Variants in SH3GL2 observed in about 807,000 individuals in gnomAD.
SH3GL2 encodes the protein endophilin-A1.
SH3GL2 carries 24 observed loss-of-function variants against 46.0 expected under a neutral mutation model. The observed-to-expected ratio is 0.52, with a 90% CI of 0.38 to 0.73. The LOEUF (loss-of-function observed/expected upper bound fraction) is 0.73, where lower values mean the gene tolerates loss of function less well. SH3GL2 is among the 30% of genes least tolerant of loss of function. The pLI is 0.00. For synonymous variants in SH3GL2, 196 were observed against 147.1 expected (o/e 1.33, Z -2.40); for missense variants, 413 against 424.2 (o/e 0.97, Z 0.23).
chr9:17,607,023 C>T (rs188144006), intron 1 of SH3GL2, among the ~76,000 whole-genome samples: 82 of 152,298 alleles, frequency 5.4e-4, no homozygotes, highest in Non-Finnish European at 9.8e-4. Flanking sequence ...CTCCTCTTCT[C>T]ATAAGGCCGG....
intron 1 of SH3GL2, among the ~76,000 whole-genome samples, chr9:17,616,790 G>A (rs1165227790): frequency 2.0e-5 from 3 of 151,630 alleles, no homozygotes; most frequent in African/African-American, 4.9e-5. Context: ...GCATCTTATT[G>A]TCTGATTTTT....
At chr9:17,710,878 G>T (rs10756902) in intron 1 of SH3GL2, among the ~76,000 whole-genome samples, 1 of 151,638 alleles carries the variant, frequency 6.6e-6, no homozygotes, top group African/African-American at 2.4e-5. Context: ...CTGAAACTGG[G>T]TATTACTGAA....
intron 1 of SH3GL2, among the ~76,000 whole-genome samples, chr9:17,628,218 A>C (rs1163513312): frequency 2.0e-5 from 3 of 152,170 alleles, no homozygotes; most frequent in Non-Finnish European, 4.4e-5. Context: ...TAGCATTGTT[A>C]CTGGCACGTG....
intron 3 of SH3GL2, among the ~76,000 whole-genome samples, chr9:17,766,109 C>T (rs1402642409): frequency 6.6e-6 from 1 of 152,186 alleles, no homozygotes; most frequent in East Asian, 1.9e-4. Context: ...CCTCTGGAAC[C>T]TCACAGTCTT....
intron 1 of SH3GL2, among the ~76,000 whole-genome samples, chr9:17,687,154 A>G (rs972844884): frequency 6.6e-5 from 10 of 152,154 alleles, no homozygotes; most frequent in African/African-American, 1.9e-4. Context: ...GCTCTCTCAC[A>G]TTAAGTGTAT....
chr9:17,624,022 C>G, intron 1 of SH3GL2, among the ~76,000 whole-genome samples: 1 of 152,112 alleles, frequency 6.6e-6, no homozygotes, highest in East Asian at 1.9e-4. Flanking sequence ...TTATTTCATT[C>G]GTTCGTTTCT....
chr9:17,735,702 C>G (rs934632391), intron 1 of SH3GL2: 1 of 880,372 alleles, frequency 1.1e-6, no homozygotes, highest in Non-Finnish European at 1.4e-6. Flanking sequence ...CACTGAGGGA[C>G]AACTCTGTTG....
chr9:17,624,633 G>A (rs956760810), intron 1 of SH3GL2, among the ~76,000 whole-genome samples: 1 of 152,072 alleles, frequency 6.6e-6, no homozygotes, highest in African/African-American at 2.4e-5. Flanking sequence ...TGGCTAGTGG[G>A]GGCCCCTTCA....
chr9:17,715,522 ATGTGTTTC>A (rs1304703563), intron 1 of SH3GL2, among the ~76,000 whole-genome samples: 2 of 150,852 alleles, frequency 1.3e-5, no homozygotes, highest in Non-Finnish European at 3.0e-5. Context: ...CATTTTCTCC[ATGTGTTTC>A]ATTTTTGGAT....
chr9:17,722,528 A>AT (rs1323233655), intron 1 of SH3GL2, among the ~76,000 whole-genome samples: 1 of 151,280 alleles, frequency 6.6e-6, no homozygotes, highest in Non-Finnish European at 1.5e-5. Context: ...TTTTTATTTT[A>AT]TTTTATCATT....
intron 1 of SH3GL2, among the ~76,000 whole-genome samples, chr9:17,683,444 G>T (rs1292375974): frequency 1.3e-5 from 2 of 152,074 alleles, no homozygotes; most frequent in Admixed American, 6.6e-5. Flanking sequence ...AGGCTCAGGG[G>T]ACAGGTGGAG....
chr9:17,644,738 T>G (rs1013706947), intron 1 of SH3GL2, among the ~76,000 whole-genome samples: 2 of 152,204 alleles, frequency 1.3e-5, no homozygotes, highest in African/African-American at 4.8e-5. Context: ...GTGCTTTACT[T>G]CCAATTATGT....
chr9:17,588,973 G>A (rs1818429709), intron 1 of SH3GL2, among the ~76,000 whole-genome samples: 2 of 152,028 alleles, frequency 1.3e-5, no homozygotes, highest in South Asian at 4.1e-4. Context: ...TGTAAAAGTG[G>A]GTTTTTGGTT....
chr9:17,767,542 T>C (rs1201304530), intron 3 of SH3GL2, among the ~76,000 whole-genome samples: 1 of 152,240 alleles, frequency 6.6e-6, no homozygotes, highest in East Asian at 1.9e-4. Flanking sequence ...CTGAATTTAC[T>C]GTTTTTTCCT....
At chr9:17,644,022 G>A (rs577839370) in intron 1 of SH3GL2, among the ~76,000 whole-genome samples, 1 of 152,246 alleles carries the variant, frequency 6.6e-6, no homozygotes, top group East Asian at 1.9e-4. Context: ...CTTGTTATTG[G>A]TCTGTTCAGG....
At chr9:17,607,036 A>G (rs1380847044) in intron 1 of SH3GL2, among the ~76,000 whole-genome samples, 2 of 152,246 alleles carry the variant, frequency 1.3e-5, no homozygotes, top group Non-Finnish European at 2.9e-5. Context: ...AAGGCCGGTT[A>G]TCGAGGGAGT....
chr9:17,753,994 T>G (rs1463610272), intron 2 of SH3GL2, among the ~76,000 whole-genome samples: 1 of 152,202 alleles, frequency 6.6e-6, no homozygotes, highest in East Asian at 1.9e-4. Context: ...ACTGTAGGTG[T>G]GCAGTTTTAT....
chr9:17,707,870 A>G (rs1209082019), intron 1 of SH3GL2, among the ~76,000 whole-genome samples: 1 of 152,152 alleles, frequency 6.6e-6, no homozygotes, highest in South Asian at 2.1e-4. Context: ...TCACATGCAT[A>G]TTCTGTTTCA....
At chr9:17,736,436 C>T (rs77056805) in intron 1 of SH3GL2, among the ~76,000 whole-genome samples, 4,212 of 152,158 alleles carry the variant, frequency 0.028, 186 homozygotes, top group African/African-American at 0.097. Flanking sequence ...TGCATGCCCC[C>T]TGGTTGTCCA....
Sources: allele counts gnomAD v4.1 joint callset (sites outside exome capture counted in the v4.1 genomes callset), GRCh38; gene constraint gnomAD v4.1.1; transcripts MANE v1.5; gene names NCBI Gene and HGNC (gene_info 2026-07-23, HGNC 2026-07-21).